The following ABLIM3 variants were observed in gnomAD, a reference collection of about 807,000 sequenced individuals.
ABLIM3 encodes actin binding LIM protein family member 3.
In ABLIM3, 61 loss-of-function variants were observed where a neutral mutation model predicts 109.5. The ratio of observed to expected loss-of-function variants is 0.56; its 90% CI spans 0.45 to 0.69. ABLIM3 has a LOEUF of 0.69. Among genes scored for constraint, ABLIM3 ranks in the 30% least tolerant of loss-of-function variants. The pLI, the probability that ABLIM3 is intolerant of heterozygous loss-of-function variation, is 0.00. For missense variants in ABLIM3, 796 were observed against 889.5 expected (o/e 0.89, Z 1.34); for synonymous variants, 300 against 324.8 (o/e 0.92, Z 0.82).
chr5:149,208,534 G>T (rs1158516723), intron 6 of ABLIM3, among the ~76,000 whole-genome samples: 1 of 152,076 alleles, frequency 6.6e-6, no homozygotes, highest in African/African-American at 2.4e-5. Flanking sequence ...AACACTCCAG[G>T]CTTCCATACC....
At position 149,258,655 on chromosome 5, in the gene ABLIM3, T is replaced by G. The variant is rs1754663355; in HGVS notation, c.*251T>G. 8.3e-7 allele frequency: 1 copy of G among 1,204,138 alleles called. No individual in the cohort carries two copies. The highest frequency in any genetic ancestry group is 4.2e-5 in the Admixed American group (1 of 23,940). The allele number at this position is 1,204,138 out of a possible 1,614,324, so 74.6% of individuals were successfully genotyped here. On this transcript the variant is annotated 3_prime_UTR_variant, in exon 24 of 24. Coordinates refer to ENST00000309868, the MANE Select transcript of ABLIM3 (RefSeq NM_014945.5). ...CTTTTATTGGGGATCCTTTTTATAC[T>G]GAAACATCTGTCCTAACTTGAGTGC...
chr5:149,248,341 C>T (rs974626823), intron 18 of ABLIM3, among the ~76,000 whole-genome samples: 2 of 152,128 alleles, frequency 1.3e-5, no homozygotes, highest in Admixed American at 6.5e-5. Context: ...CCTGAGCAGT[C>T]ACTCCCATTG....
At chr5:149,160,014 C>T (rs1754196266) in intron 2 of ABLIM3, among the ~76,000 whole-genome samples, 1 of 152,190 alleles carries the variant, frequency 6.6e-6, no homozygotes, top group Admixed American at 6.5e-5. Context: ...TTATTTATTT[C>T]CTTCATTCTA....
chr5:149,170,145 T>C (rs1182450048), intron 2 of ABLIM3, among the ~76,000 whole-genome samples: 1 of 152,054 alleles, frequency 6.6e-6, no homozygotes, highest in African/African-American at 2.4e-5. Flanking sequence ...GTGTACTATA[T>C]TGGTTTGTAT....
rs114993715 is a variant in ABLIM3 at position 149,187,689 on chromosome 5, G to A, written c.151+4100G>A. 0.012 allele frequency among the ~76,000 whole-genome samples: 1,836 copies of A among 152,052 alleles called. 86 individuals are homozygous for A. In the East Asian group the frequency reaches 0.15, roughly 13 times the overall value. On this transcript the variant is annotated intron_variant, in intron 3 of 23. Transcript: ENST00000309868. Reference sequence around the variant, plus strand: ...TACCTACTCCACCCTGACTCATTCCGATTTCCTACCCCACCCTGACTCATT... The same window carrying A: ...TACCTACTCCACCCTGACTCATTCCAATTTCCTACCCCACCCTGACTCATT...
chr5:149,214,647 C>T (rs1397352252), intron 7 of ABLIM3, among the ~76,000 whole-genome samples: 2 of 152,208 alleles, frequency 1.3e-5, no homozygotes, highest in African/African-American at 2.4e-5. Context: ...GAACAACAGT[C>T]GCCCAAGCAC....
chr5:149,176,943 C>A (rs969853537), intron 2 of ABLIM3: 44 of 152,224 alleles, frequency 2.9e-4, no homozygotes, highest in African/African-American at 1.0e-3. Flanking sequence ...AGAACAGATA[C>A]CTCCATGCCC....
intron 23 of ABLIM3, among the ~76,000 whole-genome samples, chr5:149,254,035 A>G (rs1461919521): frequency 6.6e-6 from 1 of 152,182 alleles, no homozygotes; most frequent in Non-Finnish European, 1.5e-5. Flanking sequence ...TTATAAAACC[A>G]TCAGATCTCA....
chr5:149,159,182 A>T (rs1299619021), intron 2 of ABLIM3, among the ~76,000 whole-genome samples: 1 of 152,250 alleles, frequency 6.6e-6, no homozygotes, highest in African/African-American at 2.4e-5. Flanking sequence ...ACACAATGGC[A>T]TACTATTCAG....
intron 5 of ABLIM3, among the ~76,000 whole-genome samples, chr5:149,201,381 G>A (rs558191790): frequency 7.9e-5 from 12 of 152,200 alleles, no homozygotes; most frequent in Middle Eastern, 6.8e-3. Flanking sequence ...ATCACTGTGC[G>A]GGTGCAGGGT....
intron 10 of ABLIM3, among the ~76,000 whole-genome samples, chr5:149,234,211 A>T (rs1341979468): frequency 6.6e-6 from 1 of 152,216 alleles, no homozygotes; most frequent in Non-Finnish European, 1.5e-5. Flanking sequence ...CGAGGAAGAA[A>T]CATTAAACTC....
intron 2 of ABLIM3, 35 bp from the exon 3 acceptor site, chr5:149,183,417 G>T: frequency 6.8e-7 from 1 of 1,476,968 alleles, no homozygotes. Flanking sequence ...AAGAATCAGG[G>T]CCTCTGGATA....
At chr5:149,255,212 A>G (rs1045803247) in intron 23 of ABLIM3, among the ~76,000 whole-genome samples, 2 of 152,220 alleles carry the variant, frequency 1.3e-5, no homozygotes, top group Non-Finnish European at 2.9e-5. Flanking sequence ...ACTCTCTTCC[A>G]CCATCACAAG....
At chr5:149,239,546 T>C (rs1752577469) in intron 12 of ABLIM3, among the ~76,000 whole-genome samples, 1 of 152,114 alleles carries the variant, frequency 6.6e-6, no homozygotes, top group Non-Finnish European at 1.5e-5. Context: ...TAGATTCCAT[T>C]CAAGGGCCTG....
intron 23 of ABLIM3, among the ~76,000 whole-genome samples, chr5:149,253,798 T>C (rs1484060528): frequency 6.6e-6 from 1 of 152,194 alleles, no homozygotes; most frequent in Non-Finnish European, 1.5e-5. Context: ...CCTTACAGCC[T>C]GTTGCCACTC....
intron 14 of ABLIM3, among the ~76,000 whole-genome samples, chr5:149,241,507 T>C (rs916175636): frequency 9.9e-5 from 15 of 152,272 alleles, no homozygotes; most frequent in African/African-American, 3.6e-4. Flanking sequence ...ACGCCTGTAA[T>C]CCCAGCACTT....
chr5:149,167,212 G>T (rs1754913724), intron 2 of ABLIM3, among the ~76,000 whole-genome samples: 1 of 152,172 alleles, frequency 6.6e-6, no homozygotes, highest in Non-Finnish European at 1.5e-5. Flanking sequence ...GAAGTTATTT[G>T]CCTCTGTCAT....
chr5:149,226,013 T>TC (rs1239530805), intron 8 of ABLIM3, among the ~76,000 whole-genome samples: 1 of 117,730 alleles, frequency 8.5e-6, no homozygotes, highest in African/African-American at 3.0e-5. Flanking sequence ...TATATATATA[T>TC]ATATATATAT....
At position 149,258,723 on chromosome 5, in the gene ABLIM3, GTC is replaced by G. The variant is rs780202434; in HGVS notation, c.*325_*326del. 9.7e-7 allele frequency: 1 copy of G among 1,028,394 alleles called. No homozygotes were observed. Among genetic ancestry groups the G allele is most frequent in the Non-Finnish European group, 1.2e-6 (1 of 858,590 alleles). 63.7% of individuals were successfully genotyped at this position (1,028,394 alleles called of 1,614,324 possible). A position where few individuals can be genotyped will look rare whatever the true frequency, so the allele number is the denominator to read the frequency against. On this transcript the variant is annotated 3_prime_UTR_variant, in exon 24 of 24. Transcript: ENST00000309868. ...TTTCCTAAAGAAGGTGCCTGAAGAA[GTC>G]TCTCTTCTCTCTGCTTCGTGGCCCC...
Sources: allele counts gnomAD v4.1 joint callset (sites outside exome capture counted in the v4.1 genomes callset), GRCh38; gene constraint gnomAD v4.1.1; transcripts MANE v1.5; gene names NCBI Gene and HGNC (gene_info 2026-07-23, HGNC 2026-07-21).